The following GLIPR1 variants were observed in gnomAD, a reference collection of about 807,000 sequenced individuals.
GLIPR1 encodes the protein glioma pathogenesis-related protein 1.
GLIPR1 carries 38 observed loss-of-function variants against 30.3 expected under a neutral mutation model. The ratio of observed to expected loss-of-function variants is 1.26; its 90% CI spans 0.97 to 1.65. GLIPR1 has a LOEUF of 1.65. GLIPR1 is among the 40% of genes most tolerant of loss of function. GLIPR1 has a pLI of 0.00. For missense variants in GLIPR1, 285 were observed against 326.5 expected, an observed-to-expected ratio of 0.87 and a Z score of 0.98; for synonymous variants, 122 against 110.6, an observed-to-expected ratio of 1.10 and a Z score of -0.65.
In GLIPR1 at chr12:75,501,982, T is replaced by C. The variant is rs373922981; in HGVS notation, c.*3004T>C. On this transcript the variant is annotated 3_prime_UTR_variant, in exon 6 of 6. Transcript: ENST00000266659. Reference sequence around the variant, plus strand: ...TTTGCCTTCAAAAAGTATTCACCACTAGCCAATTCTTTATCGATCTGTTGA... The same window carrying C: ...TTTGCCTTCAAAAAGTATTCACCACCAGCCAATTCTTTATCGATCTGTTGA... 1.5e-5 allele frequency: 24 copies of C among 1,611,704 alleles called. 1 individual carries two copies. In the South Asian group the frequency reaches 2.5e-4, roughly 17 times the overall value.
At chr12:75,481,215 CTCTG>C (rs2046268756) in intron 1 of GLIPR1, 161 bp downstream of exon 1, 1 of 517,538 alleles carries the variant, frequency 1.9e-6, no homozygotes, top group Non-Finnish European at 3.4e-6. Context: ...TCCAGTTTAG[CTCTG>C]TCTACCCAAC....
Position 75,487,649 on chromosome 12 carries a change from G to A in GLIPR1, c.421-2757G>A, listed in dbSNP as rs147302435. 6.9e-4 allele frequency: 284 copies of A among 410,334 alleles called. 1 individual carries two copies. The highest frequency in any genetic ancestry group is 5.2e-3 in the African/African-American group (254 of 48,570). 25.4% of individuals were successfully genotyped at this position (410,334 alleles called of 1,614,324 possible). A position where few individuals can be genotyped will look rare whatever the true frequency, so the allele number is the denominator to read the frequency against. On this transcript the variant is annotated intron_variant, in intron 2 of 5. Coordinates refer to ENST00000266659, the MANE Select transcript of GLIPR1 (RefSeq NM_006851.3). ...CTCTGCCCATCATCTCCCTAGTCAC[G>A]TCCCCACTTCTACCACACCTTTAAA... is the stretch of plus-strand genomic sequence containing the variant.
At chr12:75,486,776 C>A (rs1566096176) in intron 2 of GLIPR1, among the ~76,000 whole-genome samples, 1 of 150,786 alleles carries the variant, frequency 6.6e-6, no homozygotes, top group African/African-American at 2.4e-5. Context: ...AAAGGCAAAA[C>A]TACAGAAACA....
At chr12:75,489,554 T>A (rs1334681531) in intron 2 of GLIPR1, among the ~76,000 whole-genome samples, 1 of 152,110 alleles carries the variant, frequency 6.6e-6, no homozygotes, top group Non-Finnish European at 1.5e-5. Flanking sequence ...CGCTCCCACC[T>A]ACCCTCCTCC....
At chr12:75,495,444 ACTTCTATTACC>A in intron 3 of GLIPR1, 122 bp from the exon 4 acceptor site, 1 of 587,740 alleles carries the variant, frequency 1.7e-6, no homozygotes, top group East Asian at 2.8e-5. Flanking sequence ...TCCTGTCTTC[ACTTCTATTACC>A]AACTCTCTGG....
intron 2 of GLIPR1, among the ~76,000 whole-genome samples, chr12:75,487,303 A>G (rs1237073388): frequency 6.6e-6 from 1 of 152,222 alleles, no homozygotes; most frequent in Non-Finnish European, 1.5e-5. Context: ...ATTTTAAACA[A>G]AGGACCCCAC....
intron 3 of GLIPR1, chr12:75,491,884 T>C (rs1428370919): frequency 1.3e-5 from 2 of 152,256 alleles, no homozygotes; most frequent in Admixed American, 1.3e-4. Flanking sequence ...TTCCTGGAGA[T>C]TGGCTGAAAG....
chr12:75,487,107 G>A (rs970776456), intron 2 of GLIPR1, among the ~76,000 whole-genome samples: 4 of 152,128 alleles, frequency 2.6e-5, no homozygotes, highest in East Asian at 3.9e-4. Flanking sequence ...ATATAACAAC[G>A]CTACAGAAGA....
chr12:75,482,226 A>G, intron 2 of GLIPR1, 147 bp downstream of exon 2: 1 of 729,128 alleles, frequency 1.4e-6, no homozygotes. Context: ...AACAGAAAAT[A>G]ATGCTTGAAA....
intron 2 of GLIPR1, among the ~76,000 whole-genome samples, chr12:75,488,021 TCATGGTGGGAGTGCAGCAGTGAGGA>T (rs1209815484): frequency 6.6e-6 from 1 of 152,150 alleles, no homozygotes; most frequent in East Asian, 1.9e-4. Flanking sequence ...TTGTAAACTG[TCATGGTGGGAGTGCAGCAGTGAGGA>T]CACCAGAGTC....
intron 3 of GLIPR1, 27 bp from the exon 4 acceptor site, chr12:75,495,550 A>C: frequency 7.4e-7 from 1 of 1,357,918 alleles, no homozygotes; most frequent in South Asian, 1.2e-5. Context: ...AAAAACTTCT[A>C]ATGGACATCC....
At chr12:75,481,530 T>G (rs2046270994) in intron 1 of GLIPR1, 1 of 333,492 alleles carries the variant, frequency 3.0e-6, no homozygotes, top group Admixed American at 4.5e-5. Context: ...CTTTCTGAAC[T>G]TCTTAGGATA....
At chr12:75,488,890 T>A (rs2046306128) in intron 2 of GLIPR1, among the ~76,000 whole-genome samples, 1 of 152,216 alleles carries the variant, frequency 6.6e-6, no homozygotes, top group African/African-American at 2.4e-5. Context: ...GACTGCTTTT[T>A]TTCTAAGTTT....
At chr12:75,484,785 A>C (rs921219146) in intron 2 of GLIPR1, 7 of 156,800 alleles carry the variant, frequency 4.5e-5, no homozygotes, top group African/African-American at 1.4e-4. Context: ...TTAAGGCAGG[A>C]ACAGGGCATT....
At chr12:75,490,738 G>A (rs11180551) in intron 3 of GLIPR1, 17,709 of 453,834 alleles carry the variant, frequency 0.039, 584 homozygotes, top group Non-Finnish European at 0.054. Context: ...GTGTGTGTGT[G>A]TGTGTACATC....
Position 75,499,698 on chromosome 12 carries a change from CAAAAAAA to C in GLIPR1, c.*727_*733del. On this transcript the variant is annotated 3_prime_UTR_variant, in exon 6 of 6. Transcript: ENST00000266659. ...CTCTTCTATGAACAACCACCACCAC[CAAAAAAA>C]AAAAAAGCCCTCAGAAAATTTCTCA... 1 of 563,682 alleles carries C rather than the reference CAAAAAAA, an allele frequency of 1.8e-6. No homozygotes were observed. Among genetic ancestry groups the C allele is most frequent in the Non-Finnish European group, 2.8e-6 (1 of 354,512 alleles). The allele number at this position is 563,682 out of a possible 1,614,324, so 34.9% of individuals were successfully genotyped here.
At position 75,481,013 on chromosome 12, in the gene GLIPR1, C is replaced by T. The variant is rs532337693; in HGVS notation, c.133C>T (p.Arg45Ter). ...KDCVRIHNKF[R>*]SEVKPTASDM... Reference sequence around the variant, plus strand: ...CTGCGTTCGAATCCATAACAAGTTCCGATCAGAGGTGAAACCAACAGCCAG... The same window carrying T: ...CTGCGTTCGAATCCATAACAAGTTCTGATCAGAGGTGAAACCAACAGCCAG... The change falls in exon 1 of 6, where the codon CGA (arginine) becomes TGA (stop). Residue 45 changes from arginine to a stop codon, truncating the protein, a stop_gained. Transcript: ENST00000266659. LOFTEE classifies it high-confidence loss of function. The T allele has an allele frequency of 2.5e-5, 40 of 1,613,532 alleles. No homozygotes were observed. The highest frequency in any genetic ancestry group is 5.0e-5 in the Admixed American group (3 of 59,972).
Position 75,498,623 on chromosome 12 carries a change from C to CT in GLIPR1, c.620-66dup, listed in dbSNP as rs2046366633. 2.4e-6 allele frequency: 3 copies of CT among 1,248,058 alleles called. No individual in the cohort carries two copies. The South Asian group carries it at 3.7e-5, about 15-fold the overall frequency. The allele number at this position is 1,248,058 out of a possible 1,614,324, so 77.3% of individuals were successfully genotyped here. On this transcript the variant is annotated intron_variant, in intron 4 of 5. Transcript: ENST00000266659. ...TAATGGTCATAATTATAAGACTTAG[C>CT]TTTTTAAAATAAAACTCTCAACTGT...
Position 75,501,657 on chromosome 12 carries a change from A to G in GLIPR1, c.*2679A>G, listed in dbSNP as rs547629172. On this transcript the variant is annotated 3_prime_UTR_variant, in exon 6 of 6. Transcript: ENST00000266659. ...ATACAACTGTTTCTTAAAAAGATTC[A>G]GACAAATTTATTATGGGTTTACTTT... is the stretch of plus-strand genomic sequence containing the variant. 2.9e-6 allele frequency: 3 copies of G among 1,043,572 alleles called. No individual in the cohort carries two copies. In the South Asian group the frequency reaches 4.2e-5, roughly 15 times the overall value. 64.6% of individuals were successfully genotyped at this position (1,043,572 alleles called of 1,614,324 possible).
Sources: allele counts gnomAD v4.1 joint callset (sites outside exome capture counted in the v4.1 genomes callset), GRCh38; gene constraint gnomAD v4.1.1; transcripts MANE v1.5; gene names NCBI Gene and HGNC (gene_info 2026-07-23, HGNC 2026-07-21).